BCL11A: variants seen among roughly 807,000 people sequenced by gnomAD.
The protein encoded by BCL11A is BCL11 transcription factor A, also known as B cell CLL/lymphoma 11A.
A neutral mutation model predicts 55.9 loss-of-function variants in BCL11A; 2 were observed. The ratio of observed to expected loss-of-function variants is 0.04; its 90% confidence interval spans 0.01 to 0.11. The LOEUF is 0.11. Among genes scored for constraint, BCL11A ranks in the 10% least tolerant of loss-of-function variants. The pLI, the probability that BCL11A is intolerant of heterozygous loss-of-function variation, is 1.00. For missense variants in BCL11A, 817 were observed against 1,137.1 expected (o/e 0.72, Z 4.05); for synonymous variants, 465 against 473.4 (o/e 0.98, Z 0.23).
intron 2 of BCL11A, among the ~76,000 whole-genome samples, chr2:60,541,066 T>TGCTCAAGAA (rs1669907411): frequency 6.6e-6 from 1 of 152,012 alleles, no homozygotes; most frequent in Non-Finnish European, 1.5e-5. Context: ...TTTGTCCCCC[T>TGCTCAAGAA]CTGCTCCTGT....
chr2:60,469,834 G>A (rs1183380688), intron 2 of BCL11A, among the ~76,000 whole-genome samples: 1 of 152,200 alleles, frequency 6.6e-6, no homozygotes, highest in Admixed American at 6.5e-5. Context: ...CAGACTGGAG[G>A]ATAGATGGTG....
intron 3 of BCL11A, among the ~76,000 whole-genome samples, chr2:60,463,088 C>G (rs1676403766): frequency 6.6e-6 from 1 of 152,226 alleles, no homozygotes; most frequent in South Asian, 2.1e-4. Flanking sequence ...TTCTCACACC[C>G]CAGACTGTGG....
chr2:60,553,318 G>C lies in BCL11A; in HGVS notation c.-48C>G. ...GGCGGCGGCGGCGGCGGCGGCGGGC[G>C]GACGACGGCTCGGTTCACATCGGGA... On this transcript the variant is annotated 5_prime_UTR_variant, in exon 1 of 4. Coordinates refer to ENST00000642384, the MANE Select transcript of BCL11A (RefSeq NM_022893.4). 6.6e-7 allele frequency: 1 copy of C among 1,517,004 alleles called. No individual in the cohort carries two copies. Among genetic ancestry groups the C allele is most frequent in the Non-Finnish European group, 8.8e-7 (1 of 1,137,832 alleles). The allele number at this position is 1,517,004 out of a possible 1,614,324, so 94.0% of individuals were successfully genotyped here.
At chr2:60,468,197 T>G (rs1381459128) in intron 3 of BCL11A, among the ~76,000 whole-genome samples, 2 of 152,024 alleles carry the variant, frequency 1.3e-5, no homozygotes, top group Middle Eastern at 3.4e-3. Context: ...TGATGTGCAT[T>G]TTTCTCTAAA....
chr2:60,510,527 G>A (rs192251997), intron 2 of BCL11A, among the ~76,000 whole-genome samples: 164 of 152,048 alleles, frequency 1.1e-3, no homozygotes, highest in African/African-American at 3.7e-3. Context: ...CCTTATTTTC[G>A]TGCAGGCAGT....
intron 2 of BCL11A, among the ~76,000 whole-genome samples, chr2:60,476,790 G>C (rs1341206528): frequency 1.3e-5 from 2 of 152,152 alleles, no homozygotes; most frequent in East Asian, 3.9e-4. Flanking sequence ...ATTCAGTGGG[G>C]GAGCTCACTA....
In BCL11A at chr2:60,462,007, C is replaced by T; in HGVS notation, c.905G>A (p.Arg302Gln). 6.2e-7 allele frequency: 1 copy of T among 1,613,122 alleles called. No homozygotes were observed. Among genetic ancestry groups the T allele is most frequent in the Non-Finnish European group, 8.5e-7 (1 of 1,179,814 alleles). The change falls in exon 4 of 4, where the codon CGG (arginine) becomes CAG (glutamine). Residue 302 changes from arginine (R) to glutamine (Q), a missense_variant. Arg to Gln is a conservative substitution (Grantham distance 43). This residue lies in a region of BCL11A where 363 missense variants were observed against 486.6 expected (regional missense o/e 0.75). Coordinates refer to ENST00000642384, the MANE Select transcript of BCL11A (RefSeq NM_022893.4). ...HHPSAFDRVL[R>Q]LNPMAMEPPA... ...AGGCTCCATAGCCATTGGATTCAAC[C>T]GCAGCACCCTGTCAAAGGCACTCGG... is the stretch of plus-strand genomic sequence containing the variant.
At chr2:60,511,131 T>C (rs1310901307) in intron 2 of BCL11A, among the ~76,000 whole-genome samples, 6 of 151,942 alleles carry the variant, frequency 3.9e-5, no homozygotes, top group African/African-American at 1.5e-4. Flanking sequence ...CAGGCACAAA[T>C]CCCAGCTGCC....
intron 2 of BCL11A, among the ~76,000 whole-genome samples, chr2:60,477,583 C>T (rs1677682762): frequency 7.1e-6 from 1 of 140,196 alleles, no homozygotes; most frequent in Admixed American, 7.2e-5. Context: ...ACATGTATCC[C>T]AGAACTTAGA....
Position 60,457,541 on chromosome 2 carries a change from T to A in BCL11A, c.*2863A>T. On this transcript the variant is annotated 3_prime_UTR_variant, in exon 4 of 4. Transcript: ENST00000642384. ...AAGGCCAATAACAAAATATTCTGCA[T>A]TGCCATTTACAAAAAAGTATTGACT... 9.6e-7 allele frequency: 1 copy of A among 1,046,858 alleles called. No homozygotes were observed. The highest frequency in any genetic ancestry group is 1.2e-6 in the Non-Finnish European group (1 of 867,278). 64.8% of individuals were successfully genotyped at this position (1,046,858 alleles called of 1,614,324 possible). A position where few individuals can be genotyped will look rare whatever the true frequency, so the allele number is the denominator to read the frequency against.
intron 2 of BCL11A, among the ~76,000 whole-genome samples, chr2:60,481,260 C>T (rs1228031167): frequency 6.6e-6 from 1 of 152,086 alleles, no homozygotes; most frequent in East Asian, 1.9e-4. Flanking sequence ...CCTAGCCACC[C>T]ATCTCTGCTT....
intron 2 of BCL11A, among the ~76,000 whole-genome samples, chr2:60,479,066 A>T (rs985749007): frequency 6.6e-6 from 1 of 151,910 alleles, no homozygotes. Flanking sequence ...AGCAAATTGG[A>T]GATGCCCGCA....
At chr2:60,539,924 A>G (rs950444295) in intron 2 of BCL11A, among the ~76,000 whole-genome samples, 1 of 152,192 alleles carries the variant, frequency 6.6e-6, no homozygotes, top group Non-Finnish European at 1.5e-5. Flanking sequence ...AAGGATGCCC[A>G]TTTACCTAGG....
In BCL11A at chr2:60,553,363, G is replaced by C. The variant is rs1670502462; in HGVS notation, c.-93C>G. On this transcript the variant is annotated 5_prime_UTR_variant, in exon 1 of 4. Transcript: ENST00000642384. ...TCGGGAGAGCCGGGTTAGAAAGAAG[G>C]AGACTCCAGAGAAAATATCTTCATC... The C allele has an allele frequency of 7.7e-7, 1 of 1,297,378 alleles. No individual in the cohort carries two copies. The highest frequency in any genetic ancestry group is 1.1e-6 in the Non-Finnish European group (1 of 939,624). The allele number at this position is 1,297,378 out of a possible 1,614,324, so 80.4% of individuals were successfully genotyped here.
chr2:60,549,895 C>T (rs1305464045), intron 1 of BCL11A: 3 of 152,376 alleles, frequency 2.0e-5, no homozygotes, highest in African/African-American at 7.2e-5. Flanking sequence ...CCCCGCAATT[C>T]TGGGCACTGG....
downstream of BCL11A, chr2:60,452,921 A>G (rs1675786823): frequency 4.7e-6 from 2 of 425,110 alleles, no homozygotes; most frequent in South Asian, 5.4e-5. Flanking sequence ...CCCCTGCCCA[A>G]TTGTATGATA....
chr2:60,470,091 G>C (rs564282519), intron 2 of BCL11A, among the ~76,000 whole-genome samples: 1 of 152,016 alleles, frequency 6.6e-6, no homozygotes, highest in Non-Finnish European at 1.5e-5. Context: ...ATTTCCTTTC[G>C]CAAGGAGCCT....
chr2:60,467,147 ATGGTGGTGGTG>A (rs1676693832), intron 3 of BCL11A, among the ~76,000 whole-genome samples: 4 of 45,100 alleles, frequency 8.9e-5, no homozygotes, highest in African/African-American at 2.8e-4. Flanking sequence ...GTTGGTGGTG[ATGGTGGTGGTG>A]GTGGTGGTGA....
Position 60,461,020 on chromosome 2 carries a change from G to T in BCL11A, c.1892C>A (p.Pro631His), listed in dbSNP as rs562257210. The T allele has an allele frequency of 7.0e-5, 113 of 1,607,878 alleles. No homozygotes were observed. Among genetic ancestry groups the T allele is most frequent in the Non-Finnish European group, 9.3e-5 (109 of 1,176,452 alleles). Residue 631 changes from proline (P) to histidine (H), a missense_variant, in exon 4 of 4, where the codon CCC becomes CAC. Physicochemically the swap from Pro to His is moderately conservative, Grantham distance 77. Transcript: ENST00000642384. ...LLLGSPSSLS[P>H]FSKRIKLEKE... ...CTCGAGCTTGATGCGCTTAGAGAAG[G>T]GGCTCAGCGAGCTGGGGCTGCCCAG...
Sources: allele counts gnomAD v4.1 joint callset (sites outside exome capture counted in the v4.1 genomes callset), GRCh38; gene constraint gnomAD v4.1.1; regional missense constraint gnomAD v4.1.1; transcripts MANE v1.5; gene names NCBI Gene and HGNC (gene_info 2026-07-23, HGNC 2026-07-21).